Variants in METTL4 observed in about 807,000 individuals in gnomAD.
The protein encoded by METTL4 is methyltransferase 4, N6-adenosine, also known as N(6)-adenine-specific methyltransferase METTL4.
METTL4 carries 40 observed loss-of-function variants against 54.0 expected under a neutral mutation model. That is an observed-to-expected ratio of 0.74 (90% CI 0.58 to 0.96). The LOEUF is 0.96. Ranked by LOEUF, METTL4 falls within the 50% of genes least tolerant of loss-of-function variation. The pLI, the probability that METTL4 is intolerant of heterozygous loss-of-function variation, is 0.00. For missense variants in METTL4, 525 were observed against 549.0 expected, an observed-to-expected ratio of 0.96 and a Z score of 0.44; for synonymous variants, 169 against 183.8, an observed-to-expected ratio of 0.92 and a Z score of 0.65.
rs771900830 is a variant in METTL4 at position 2,547,542 on chromosome 18, G to A, written c.900-13C>T. The stretch of plus-strand genomic sequence containing the variant: ...CAAATAACTGTACCTAAAAATAAAC[G>A]GAAAAAAGGATGAGCAAAATTCACT... On this transcript the variant is annotated splice_polypyrimidine_tract_variant and intron_variant, in intron 5 of 8. Transcript: ENST00000574538. The A allele has an allele frequency of 4.2e-5, 65 of 1,541,566 alleles. No individual in the cohort carries two copies. Among genetic ancestry groups the A allele is most frequent in the Middle Eastern group, 1.7e-4 (1 of 5,726 alleles).
At chr18:2,566,406 C>T (rs2072419148) in intron 2 of METTL4, among the ~76,000 whole-genome samples, 1 of 152,118 alleles carries the variant, frequency 6.6e-6, no homozygotes, top group Admixed American at 6.5e-5. Flanking sequence ...TAAAAACCTC[C>T]GAAATACCAC....
At chr18:2,551,001 A>G (rs2072148362) in intron 5 of METTL4, among the ~76,000 whole-genome samples, 1 of 151,502 alleles carries the variant, frequency 6.6e-6, no homozygotes. Context: ...CGTCTCTACT[A>G]AAAATACAAA....
chr18:2,552,875 A>T (rs1249331191), intron 4 of METTL4, 111 bp from the exon 5 acceptor site: 4 of 671,646 alleles, frequency 6.0e-6, no homozygotes, highest in Admixed American at 2.5e-5. Flanking sequence ...AATATAATGG[A>T]ATGCACCAAA....
chr18:2,545,848 T>C (rs548329165), intron 6 of METTL4, among the ~76,000 whole-genome samples: 1 of 152,224 alleles, frequency 6.6e-6, no homozygotes, highest in African/African-American at 2.4e-5. Context: ...GCCTAATAAA[T>C]GCTTCATATA....
At position 2,552,699 on chromosome 18, in the gene METTL4, T is replaced by A. The variant is rs755677983; in HGVS notation, c.895A>T (p.Asn299Tyr). 2 of 1,607,454 alleles carry A rather than the reference T, an allele frequency of 1.2e-6. No homozygotes were observed. Among genetic ancestry groups the A allele is most frequent in the African/African-American group, 2.7e-5 (2 of 74,798 alleles). ...PWQNKSVKRSNRYSYLSPLQI... is the reference protein window; with the variant it reads ...PWQNKSVKRSYRYSYLSPLQI... ...AATGCTTTCATTTCCACTTACCTAT[T>A]ACTTCTTTTAACTGATTTGTTCTGC... is the stretch of plus-strand genomic sequence containing the variant. The change falls in exon 5 of 9, where the codon AAT becomes TAT. Residue 299 changes from asparagine to tyrosine, a missense_variant. Transcript: ENST00000574538.
At chr18:2,547,578 A>G in intron 5 of METTL4, 49 bp from the exon 6 acceptor site, 1 of 1,435,996 alleles carries the variant, frequency 7.0e-7, no homozygotes, top group South Asian at 1.4e-5. Context: ...GCAAAAGAAG[A>G]AAACTAAGCA....
In METTL4 at chr18:2,567,265, C is replaced by T; in HGVS notation, c.-49G>A. On this transcript the variant is annotated 5_prime_UTR_variant, in exon 2 of 9. Coordinates refer to ENST00000574538, the MANE Select transcript of METTL4 (RefSeq NM_022840.5). The stretch of plus-strand genomic sequence containing the variant: ...GGGAATTAGGAACTAGAATGAAAAT[C>T]CAACTTTCCAGATCAGCTTCTTAAA... The T allele has an allele frequency of 6.7e-7, 1 of 1,499,824 alleles. No individual in the cohort carries two copies. Among genetic ancestry groups the T allele is most frequent in the Middle Eastern group, 1.8e-4 (1 of 5,564 alleles). The allele number at this position is 1,499,824 out of a possible 1,614,324, so 92.9% of individuals were successfully genotyped here. A position where few individuals can be genotyped will look rare whatever the true frequency, so the allele number is the denominator to read the frequency against.
At chr18:2,549,592 A>C (rs2048943) in intron 5 of METTL4, among the ~76,000 whole-genome samples, 17,628 of 152,084 alleles carry the variant, frequency 0.12, 1,056 homozygotes, top group Non-Finnish European at 0.13. Flanking sequence ...ACTCTGAAAA[A>C]AGTAAATGAC....
At chr18:2,544,790 A>AT (rs2072047499) in intron 6 of METTL4, 31 bp from the exon 7 acceptor site, 2 of 1,433,454 alleles carry the variant, frequency 1.4e-6, no homozygotes, top group Non-Finnish European at 2.0e-6. Context: ...AAAGAGGGTT[A>AT]TTTTTTCCCA....
rs372951069 is a variant in METTL4 at position 2,554,625 on chromosome 18, G to A, written c.829+44C>T. 512 of 1,558,684 alleles carry A rather than the reference G, an allele frequency of 3.3e-4. 1 individual carries two copies. In the Middle Eastern group the frequency reaches 4.7e-3, roughly 14 times the overall value. On this transcript the variant is annotated intron_variant, in intron 4 of 8. Transcript: ENST00000574538. ...ACTAGCTCTTAACTTTTCAGCCCAC[G>A]GAAAAATTATCTTTTTCTAATAACA...
intron 1 of METTL4, among the ~76,000 whole-genome samples, chr18:2,570,721 T>C (rs995000860): frequency 2.6e-5 from 4 of 151,990 alleles, no homozygotes; most frequent in Non-Finnish European, 4.4e-5. Flanking sequence ...GACGGGAAAA[T>C]TGAAACTCAG....
At chr18:2,554,115 ACTGGGG>A (rs1286902522) in intron 4 of METTL4, 2 of 152,360 alleles carry the variant, frequency 1.3e-5, no homozygotes, top group African/African-American at 4.8e-5. Flanking sequence ...TAGATTGGAG[ACTGGGG>A]CTCGGTTTTG....
chr18:2,559,764 GTC>G (rs1224654293), intron 3 of METTL4, among the ~76,000 whole-genome samples: 4 of 152,170 alleles, frequency 2.6e-5, no homozygotes, highest in East Asian at 3.9e-4. Flanking sequence ...TCGAGAGGGA[GTC>G]TCTCTGTCAC....
intron 2 of METTL4, among the ~76,000 whole-genome samples, chr18:2,565,812 C>T (rs113349376): frequency 6.6e-6 from 1 of 151,892 alleles, no homozygotes; most frequent in Non-Finnish European, 1.5e-5. Context: ...TGGCTCAAGC[C>T]GAGGTGGGCA....
intron 3 of METTL4, among the ~76,000 whole-genome samples, chr18:2,556,847 G>A (rs1012235918): frequency 6.6e-6 from 1 of 152,034 alleles, no homozygotes; most frequent in African/African-American, 2.4e-5. Context: ...GTCAGGGGAG[G>A]AGGAAGAAGA....
intron 2 of METTL4, among the ~76,000 whole-genome samples, chr18:2,565,979 G>A (rs917655784): frequency 1.5e-4 from 23 of 151,274 alleles, no homozygotes; most frequent in Non-Finnish European, 2.1e-4. Flanking sequence ...CCCGGGAGGC[G>A]GAGCTTGCAG....
At chr18:2,559,046 G>C (rs2072277882) in intron 3 of METTL4, among the ~76,000 whole-genome samples, 1 of 152,154 alleles carries the variant, frequency 6.6e-6, no homozygotes, top group African/African-American at 2.4e-5. Context: ...CACTGTGGAA[G>C]GCAGTATGGT....
intron 3 of METTL4, chr18:2,561,802 C>G (rs1191940254): frequency 6.6e-6 from 1 of 152,122 alleles, no homozygotes; most frequent in Non-Finnish European, 1.5e-5. Context: ...AAATTCTATT[C>G]TCTAATTTCA....
At position 2,547,353 on chromosome 18, in the gene METTL4, A is replaced by G; in HGVS notation, c.1074+2T>C. 6.4e-7 allele frequency: 1 copy of G among 1,554,238 alleles called. No individual in the cohort carries two copies. The highest frequency in any genetic ancestry group is 1.2e-5 in the South Asian group (1 of 82,094). ...AACAAATAAGCTAACTTCTGAACTT[A>G]CTTTTACCCAGTGCCACTCAGCAAC... On this transcript the variant is annotated splice_donor_variant, in intron 6 of 8. Coordinates refer to ENST00000574538, the MANE Select transcript of METTL4 (RefSeq NM_022840.5). LOFTEE classifies it high-confidence loss of function.
Sources: gnomAD v4.1 joint callset for allele counts (sites outside exome capture counted in the v4.1 genomes callset) on GRCh38, gnomAD v4.1.1 for gene constraint, MANE v1.5 for transcripts, NCBI Gene and HGNC (gene_info 2026-07-23, HGNC 2026-07-21) for gene names.